SGTA: variants seen among roughly 807,000 people sequenced by gnomAD.
The protein encoded by SGTA is small glutamine-rich tetratricopeptide repeat-containing protein alpha.
SGTA carries 22 observed loss-of-function variants against 44.3 expected under a neutral mutation model. The ratio of observed to expected loss-of-function variants is 0.50; its 90% CI spans 0.36 to 0.71. The LOEUF is 0.71. SGTA is among the 30% of genes least tolerant of loss of function. The probability of loss-of-function intolerance (pLI) is 0.00; values close to 1 mark genes in which losing one functional copy is unlikely to be tolerated. For missense variants in SGTA, 341 were observed against 435.9 expected (o/e 0.78, Z 1.94); for synonymous variants, 174 against 177.6 (o/e 0.98, Z 0.16).
rs115096407 is a variant in SGTA at position 2,767,728 on chromosome 19, C to T, written c.101-42G>A. 1,283 of 1,518,170 alleles carry T rather than the reference C, an allele frequency of 8.5e-4. 8 individuals carry two copies. The African/African-American group carries it at 0.016, about 18-fold the overall frequency. 94.0% of individuals were successfully genotyped at this position (1,518,170 alleles called of 1,614,324 possible). A position where few individuals can be genotyped will look rare whatever the true frequency, so the allele number is the denominator to read the frequency against. On this transcript the variant is annotated intron_variant, in intron 2 of 11. Coordinates refer to ENST00000221566, the MANE Select transcript of SGTA (RefSeq NM_003021.4). This position sits in a 1 kb window ranked among gnomAD's most constrained non-coding sequence, Gnocchi z 7.3. Reference sequence around the variant, plus strand: ...GGCGGTCCCATTCATTGCACGCAGCCCCGAGGTTACGTTTTTGGGTCTAGA... The same window carrying T: ...GGCGGTCCCATTCATTGCACGCAGCTCCGAGGTTACGTTTTTGGGTCTAGA...
chr19:2,755,569 G>C lies in SGTA; in HGVS notation c.*371C>G, dbSNP rs985029040. 1.0e-6 allele frequency: 1 copy of C among 985,770 alleles called. No individual in the cohort carries two copies. The highest frequency in any genetic ancestry group is 1.7e-5 in the African/African-American group (1 of 57,252). 61.1% of individuals were successfully genotyped at this position (985,770 alleles called of 1,614,324 possible). The stretch of plus-strand genomic sequence containing the variant: ...GGGGGCGGGGGCTGTAAAAGGCTTT[G>C]GAAGCCACACGATCCGCCACACGGC... On this transcript the variant is annotated 3_prime_UTR_variant, in exon 12 of 12. Transcript: ENST00000221566. This position sits in a 1 kb window ranked among gnomAD's most constrained non-coding sequence, Gnocchi z 5.2.
At position 2,761,990 on chromosome 19, in the gene SGTA, G is replaced by A. The variant is rs879341199; in HGVS notation, c.637-468C>T. On this transcript the variant is annotated intron_variant, in intron 7 of 11. Coordinates refer to ENST00000221566, the MANE Select transcript of SGTA (RefSeq NM_003021.4). The surrounding 1 kb of genome is among the most constrained non-coding windows in gnomAD (Gnocchi z 5.7). ...GGGGCCTTGCTGGCCTGGCAGAGCC[G>A]CCCCCTCCTGGAGTAGCCAATTCCC... is the stretch of plus-strand genomic sequence containing the variant. Among the ~76,000 whole-genome samples the A allele has an allele frequency of 3.3e-5, 5 of 152,088 alleles. No homozygotes were observed. Among genetic ancestry groups the A allele is most frequent in the Non-Finnish European group, 7.4e-5 (5 of 68,006 alleles).
At chr19:2,757,129 A>G (rs1462076908) in intron 11 of SGTA, among the ~76,000 whole-genome samples, 2 of 152,182 alleles carry the variant, frequency 1.3e-5, no homozygotes, top group Non-Finnish European at 2.9e-5. Context: ...GGCCACCTGG[A>G]AAGGGGCCCA....
At chr19:2,757,579 C>T (rs924087666) in intron 10 of SGTA, 114 bp downstream of exon 10, 21 of 1,468,258 alleles carry the variant, frequency 1.4e-5, no homozygotes, top group Non-Finnish European at 1.8e-5. Flanking sequence ...CGCTGGAGGA[C>T]GCTGGGCCCT....
Position 2,767,654 on chromosome 19 carries a change from C to T in SGTA, c.133G>A (p.Val45Met). ...GCAAGGTCACTGTCTTCTACCGTCA[C>T]CCCAAACGCAGTCTCCAGGCACTGG... Reference protein sequence around the residue: ...AIQCLETAFGVTVEDSDLALP... With the variant: ...AIQCLETAFGMTVEDSDLALP... Residue 45 changes from valine (V) to methionine (M), a missense_variant, in exon 3 of 12, where the codon GTG becomes ATG. Coordinates refer to ENST00000221566, the MANE Select transcript of SGTA (RefSeq NM_003021.4). The surrounding 1 kb of genome is among the most constrained non-coding windows in gnomAD (Gnocchi z 7.3). The T allele has an allele frequency of 6.2e-7, 1 of 1,613,746 alleles. No individual in the cohort carries two copies. The highest frequency in any genetic ancestry group is 8.5e-7 in the Non-Finnish European group (1 of 1,179,952).
chr19:2,771,580 G>GT (rs912929507), intron 1 of SGTA, among the ~76,000 whole-genome samples: 4 of 151,830 alleles, frequency 2.6e-5, no homozygotes, highest in Non-Finnish European at 5.9e-5. Flanking sequence ...CCCATCGGGG[G>GT]GGGGGGGAGG....
At chr19:2,777,656 T>A (rs141168117) in intron 1 of SGTA, 1 of 152,134 alleles carries the variant, frequency 6.6e-6, no homozygotes, top group Non-Finnish European at 1.5e-5. Context: ...AGAGGTTTCA[T>A]TGGAAATGAT....
intron 7 of SGTA, 75 bp downstream of exon 7, chr19:2,762,431 G>A (rs1915021860): frequency 1.3e-6 from 2 of 1,494,668 alleles, no homozygotes; most frequent in Non-Finnish European, 9.2e-7. Context: ...AGAGCCACTG[G>A]TGCGCCCGAG....
At chr19:2,756,476 G>C (rs1387131689) in intron 11 of SGTA, among the ~76,000 whole-genome samples, 2 of 151,494 alleles carry the variant, frequency 1.3e-5, no homozygotes, top group Non-Finnish European at 2.9e-5. Flanking sequence ...AAAAGATTAA[G>C]ATTGTTCTTG....
intron 1 of SGTA, among the ~76,000 whole-genome samples, chr19:2,775,662 G>T (rs371492277): frequency 2.6e-5 from 4 of 152,244 alleles, no homozygotes; most frequent in Admixed American, 1.3e-4. Flanking sequence ...AAGGAGACGC[G>T]TGGGTGCCGG....
In SGTA at chr19:2,755,669, G is replaced by A. The variant is rs971063843; in HGVS notation, c.*271C>T. The A allele has an allele frequency of 1.8e-5, 18 of 985,566 alleles. No individual in the cohort carries two copies. The highest frequency in any genetic ancestry group is 6.1e-5 in the Admixed American group (1 of 16,286). 61.1% of individuals were successfully genotyped at this position (985,566 alleles called of 1,614,324 possible). A position where few individuals can be genotyped will look rare whatever the true frequency, so the allele number is the denominator to read the frequency against. On this transcript the variant is annotated 3_prime_UTR_variant, in exon 12 of 12. Coordinates refer to ENST00000221566, the MANE Select transcript of SGTA (RefSeq NM_003021.4). The surrounding 1 kb of genome is among the most constrained non-coding windows in gnomAD (Gnocchi z 5.2). ...GATTCTAGAAAACACTCAAGTGACC[G>A]AGCTTTCTGGGGGCTGGAAGGGAGG...
At chr19:2,762,332 A>G (rs1915019393) in intron 7 of SGTA, among the ~76,000 whole-genome samples, 174 bp downstream of exon 7, 1 of 152,098 alleles carries the variant, frequency 6.6e-6, no homozygotes, top group Non-Finnish European at 1.5e-5. Context: ...TGGGGGCATG[A>G]ACCTTCTCAC....
rs777291208 is a variant in SGTA, at chr19:2,761,609, C to G, written c.637-87G>C. 4.3e-5 allele frequency: 47 copies of G among 1,100,628 alleles called. No individual in the cohort carries two copies. Among genetic ancestry groups the G allele is most frequent in the Non-Finnish European group, 5.6e-5 (42 of 743,822 alleles). The allele number at this position is 1,100,628 out of a possible 1,614,324, so 68.2% of individuals were successfully genotyped here. Reference sequence around the variant, plus strand: ...CTGGAACTCAGAAACAACGGCCCCCCACGGGGCTCAGACATTCTATCAACC... The same window carrying G: ...CTGGAACTCAGAAACAACGGCCCCCGACGGGGCTCAGACATTCTATCAACC... On this transcript the variant is annotated intron_variant, in intron 7 of 11. Transcript: ENST00000221566. The surrounding 1 kb of genome is among the most constrained non-coding windows in gnomAD (Gnocchi z 5.7).
rs577985712 is a variant in SGTA, at chr19:2,765,617, G to A, written c.293-332C>T. Among the ~76,000 whole-genome samples the A allele has an allele frequency of 1.2e-4, 18 of 152,316 alleles. No homozygotes were observed. The highest frequency in any genetic ancestry group is 2.4e-4 in the Non-Finnish European group (16 of 68,028). Reference sequence around the variant, plus strand: ...AACAGTTAATACAGCTCACCGGCCCGGGGACGGAAACTGTCCCTTTCGCTA... The same window carrying A: ...AACAGTTAATACAGCTCACCGGCCCAGGGACGGAAACTGTCCCTTTCGCTA... On this transcript the variant is annotated intron_variant, in intron 4 of 11. Transcript: ENST00000221566. The surrounding 1 kb of genome is among the most constrained non-coding windows in gnomAD (Gnocchi z 5.5).
rs145357262 is a variant in SGTA at position 2,781,843 on chromosome 19, A to ATT, written c.-24+1388_-24+1389dup. Among the ~76,000 whole-genome samples the ATT allele has an allele frequency of 1.7e-3, 248 of 142,798 alleles. 8 individuals carry two copies. The highest frequency in any genetic ancestry group is 5.9e-3 in the African/African-American group (224 of 37,976). 93.7% of individuals were successfully genotyped at this position (142,798 alleles called of 152,430 possible). A position where few individuals can be genotyped will look rare whatever the true frequency, so the allele number is the denominator to read the frequency against. On this transcript the variant is annotated intron_variant, in intron 1 of 11. Coordinates refer to ENST00000221566, the MANE Select transcript of SGTA (RefSeq NM_003021.4). ...GTGAAGAATCACTGATCTAGGGTAGATTTTTTTTTTTTATTTTTGACAGGG... is the reference window on the plus strand; with the variant it reads ...GTGAAGAATCACTGATCTAGGGTAGATTTTTTTTTTTTTTATTTTTGACAGGG...
At chr19:2,764,867 C>T (rs1376044820) in intron 5 of SGTA, among the ~76,000 whole-genome samples, 1 of 152,114 alleles carries the variant, frequency 6.6e-6, no homozygotes, top group Non-Finnish European at 1.5e-5. Context: ...GCGCCTGGCC[C>T]CCAGACTAAT....
intron 11 of SGTA, among the ~76,000 whole-genome samples, chr19:2,756,972 C>T (rs77777069): frequency 0.026 from 3,916 of 152,292 alleles, 156 homozygotes; most frequent in African/African-American, 0.087. Context: ...GTGGCAGCCC[C>T]GACACTGCAG....
Position 2,761,435 on chromosome 19 carries a change from A to T in SGTA, c.699+25T>A. On this transcript the variant is annotated intron_variant, in intron 8 of 11. Coordinates refer to ENST00000221566, the MANE Select transcript of SGTA (RefSeq NM_003021.4). This position sits in a 1 kb window ranked among gnomAD's most constrained non-coding sequence, Gnocchi z 5.7. ...CTGGGGGGTGGCGCAGACACCATGGACAGGGAGGAGGGGCGGGCCGTTACC... is the reference window on the plus strand; with the variant it reads ...CTGGGGGGTGGCGCAGACACCATGGTCAGGGAGGAGGGGCGGGCCGTTACC... 1 of 1,547,978 alleles carries T rather than the reference A, an allele frequency of 6.5e-7. No individual in the cohort carries two copies. The highest frequency in any genetic ancestry group is 8.7e-7 in the Non-Finnish European group (1 of 1,143,904).
chr19:2,770,514 C>G (rs1277903640), intron 1 of SGTA: 1 of 152,710 alleles, frequency 6.5e-6, no homozygotes, highest in African/African-American at 2.4e-5. Flanking sequence ...CCCCCGAAGG[C>G]TGGCGATGGT....
Sources: allele counts gnomAD v4.1 joint callset (sites outside exome capture counted in the v4.1 genomes callset), GRCh38; gene constraint gnomAD v4.1.1; non-coding constraint Gnocchi (gnomAD v3.1); transcripts MANE v1.5; gene names NCBI Gene and HGNC (gene_info 2026-07-23, HGNC 2026-07-21).